Variants in CECR2 observed in about 807,000 individuals in gnomAD.
CECR2 encodes chromatin remodeling regulator CECR2.
In CECR2, 30 loss-of-function variants were observed where a neutral mutation model predicts 154.5. The observed-to-expected ratio is 0.19, with a 90% CI of 0.15 to 0.26. The LOEUF is 0.26. CECR2 is among the 10% of genes least tolerant of loss of function. The pLI, the probability that CECR2 is intolerant of heterozygous loss-of-function variation, is 1.00. For synonymous variants in CECR2, 725 were observed against 683.7 expected (o/e 1.06, Z -0.94); for missense variants, 1,743 against 1,829.3 (o/e 0.95, Z 0.86).
chr22:17,504,046 C>CTAAATAAA (rs150862438), intron 6 of CECR2, among the ~76,000 whole-genome samples: 2,923 of 136,564 alleles, frequency 0.021, 57 homozygotes, highest in East Asian at 0.094. Flanking sequence ...GACTCTGCCT[C>CTAAATAAA]TAAATAAATA....
chr22:17,422,572 G>T (rs1206182302), intron 1 of CECR2, among the ~76,000 whole-genome samples: 2 of 151,886 alleles, frequency 1.3e-5, no homozygotes, highest in African/African-American at 4.8e-5. Flanking sequence ...ACATTAATTT[G>T]GATAAATTTT....
At chr22:17,369,977 C>T (rs2063035219) in intron 1 of CECR2, 68 bp downstream of exon 1, 1 of 150,978 alleles carries the variant, frequency 6.6e-6, no homozygotes, top group Admixed American at 6.6e-5. Context: ...CGCGGGGTGT[C>T]CCGGGCCGTC....
intron 2 of CECR2, among the ~76,000 whole-genome samples, chr22:17,486,901 A>G (rs79647282): frequency 0.043 from 6,614 of 152,138 alleles, 490 homozygotes; most frequent in African/African-American, 0.15. Context: ...GGGCCTCACC[A>G]GCGTTTCATT....
At position 17,555,460 on chromosome 22, in the gene CECR2, C is replaced by A. The variant is rs1337341466; in HGVS notation, c.*2620C>A. 1.3e-5 allele frequency: 2 copies of A among 152,198 alleles called. No homozygotes were observed. Among genetic ancestry groups the A allele is most frequent in the African/African-American group, 2.4e-5 (1 of 41,432 alleles). The allele number at this position is 152,198 out of a possible 1,614,324, so 9.4% of individuals were successfully genotyped here. ...GGGAGTGTCCTGAGCTTTCACTGGT[C>A]TTTGAAGTGCAGATCTGCTATAAGC... On this transcript the variant is annotated 3_prime_UTR_variant, in exon 19 of 19. Coordinates refer to ENST00000262608, the MANE Select transcript of CECR2 (RefSeq NM_001290047.2).
At position 17,448,215 on chromosome 22, in the gene CECR2, G is replaced by A. The variant is rs141871182; in HGVS notation, c.127-29373G>A. ...CAAACGAGAAGGATGTGAGATGTGT[G>A]TACTACACATCCATGACTAAAAACT... On this transcript the variant is annotated intron_variant, in intron 1 of 18. Transcript: ENST00000262608. 2.1e-3 allele frequency among the ~76,000 whole-genome samples: 325 copies of A among 152,268 alleles called. 1 individual carries two copies. The highest frequency in any genetic ancestry group is 7.3e-3 in the African/African-American group (304 of 41,570).
chr22:17,437,078 G>A (rs959569806), intron 1 of CECR2, among the ~76,000 whole-genome samples: 10 of 152,236 alleles, frequency 6.6e-5, no homozygotes, highest in Non-Finnish European at 1.0e-4. Flanking sequence ...GCTGCAGTCT[G>A]ATGACTGCAG....
In CECR2 at chr22:17,504,922, G is replaced by A. The variant is rs370937054; in HGVS notation, c.776G>A (p.Ser259Asn). ...TEEEWRQVTE[S>N]FRERTSLRER... ...GAGGAATGGAGACAGGTCACCGAGA[G>A]TTTTCGCGAGAGGACCTCCCTTCGA... The change falls in exon 7 of 19, where the codon AGT becomes AAT. Residue 259 changes from serine to asparagine, a missense_variant. Around this residue, in one of 4 missense-constraint regions of CECR2, gnomAD observed 292 missense variants for 301.2 expected, o/e 0.97. Transcript: ENST00000262608. The A allele has an allele frequency of 1.9e-6, 3 of 1,613,746 alleles. No homozygotes were observed. The African/African-American group carries it at 4.0e-5, about 22-fold the overall frequency.
chr22:17,373,928 T>G (rs1216436441), intron 1 of CECR2, among the ~76,000 whole-genome samples: 1 of 152,202 alleles, frequency 6.6e-6, no homozygotes, highest in Non-Finnish European at 1.5e-5. Context: ...TTGTCCTGAT[T>G]CAAGAAAAGA....
chr22:17,454,041 C>T (rs1367222479), intron 1 of CECR2, among the ~76,000 whole-genome samples: 1 of 152,202 alleles, frequency 6.6e-6, no homozygotes, highest in Non-Finnish European at 1.5e-5. Context: ...ACTGTACACT[C>T]AGAAGTGCAC....
rs1266803159 is a variant in CECR2 at position 17,541,823 on chromosome 22, G to C, written c.1885-16G>C. The C allele has an allele frequency of 2.5e-6, 4 of 1,603,156 alleles. No homozygotes were observed. Among genetic ancestry groups the C allele is most frequent in the Non-Finnish European group, 2.6e-6 (3 of 1,174,802 alleles). ...CTTTCCTTTTTCCTCTTCTTGCTTT[G>C]TTCAATGTGCTGCAGAGGCCAGCAG... On this transcript the variant is annotated splice_polypyrimidine_tract_variant and intron_variant, in intron 14 of 18. Coordinates refer to ENST00000262608, the MANE Select transcript of CECR2 (RefSeq NM_001290047.2).
chr22:17,416,683 G>A (rs1000665045), intron 1 of CECR2, among the ~76,000 whole-genome samples: 2 of 152,196 alleles, frequency 1.3e-5, no homozygotes, highest in Non-Finnish European at 2.9e-5. Flanking sequence ...TGTATTTTTA[G>A]TAGAGACACG....
intron 17 of CECR2, 41 bp downstream of exon 17, chr22:17,549,605 G>C: frequency 1.4e-6 from 2 of 1,426,820 alleles, no homozygotes; most frequent in Non-Finnish European, 1.9e-6. Flanking sequence ...AGAGAGAACA[G>C]ATGTTTATTT....
intron 1 of CECR2, among the ~76,000 whole-genome samples, chr22:17,459,029 A>G (rs1292842253): frequency 6.6e-6 from 1 of 152,206 alleles, no homozygotes; most frequent in Non-Finnish European, 1.5e-5. Flanking sequence ...TTATACTTGG[A>G]AAAAGTAAAA....
intron 1 of CECR2, among the ~76,000 whole-genome samples, chr22:17,443,939 A>G (rs1447794294): frequency 6.6e-6 from 1 of 152,156 alleles, no homozygotes; most frequent in African/African-American, 2.4e-5. Flanking sequence ...AACAAGCAGA[A>G]TGAGATGACT....
intron 7 of CECR2, among the ~76,000 whole-genome samples, chr22:17,505,968 C>T (rs1444155927): frequency 1.3e-5 from 2 of 151,208 alleles, no homozygotes; most frequent in African/African-American, 4.9e-5. Context: ...TCTCAACCTC[C>T]CAAGTAGCTG....
chr22:17,462,136 G>A (rs1473911447), intron 1 of CECR2, among the ~76,000 whole-genome samples: 1 of 151,678 alleles, frequency 6.6e-6, no homozygotes. Flanking sequence ...CGGGCGCGGT[G>A]GCTCACACCT....
At chr22:17,544,237 G>A (rs865883320) in intron 16 of CECR2, among the ~76,000 whole-genome samples, 8 of 152,074 alleles carry the variant, frequency 5.3e-5, no homozygotes, top group African/African-American at 9.7e-5. Context: ...GGTGGCTGAC[G>A]CCTGTAATCC....
At chr22:17,436,350 A>T (rs746452915) in intron 1 of CECR2, among the ~76,000 whole-genome samples, 13 of 152,252 alleles carry the variant, frequency 8.5e-5, no homozygotes, top group Admixed American at 3.9e-4. Flanking sequence ...TCTATGCACA[A>T]TAATACAACA....
chr22:17,475,540 A>G (rs1289520993), intron 1 of CECR2, among the ~76,000 whole-genome samples: 1 of 151,986 alleles, frequency 6.6e-6, no homozygotes, highest in Non-Finnish European at 1.5e-5. Flanking sequence ...TGATCCTCCT[A>G]CCTCAGCCTC....
Sources: gnomAD v4.1 joint callset for allele counts (sites outside exome capture counted in the v4.1 genomes callset) on GRCh38, gnomAD v4.1.1 for gene constraint, gnomAD v4.1.1 regional missense constraint, MANE v1.5 for transcripts, NCBI Gene and HGNC (gene_info 2026-07-23, HGNC 2026-07-21) for gene names.